The following ARID2 variants were observed in gnomAD, a reference collection of about 807,000 sequenced individuals.
The protein encoded by ARID2 is AT-rich interaction domain 2.
ARID2 carries 32 observed loss-of-function variants against 184.6 expected under a neutral mutation model. The observed-to-expected ratio is 0.17, with a 90% CI of 0.13 to 0.23. The LOEUF (loss-of-function observed/expected upper bound fraction) is 0.23, where lower values mean the gene tolerates loss of function less well. ARID2 is among the 10% of genes least tolerant of loss of function. ARID2 has a pLI of 1.00. For synonymous variants in ARID2, 836 were observed against 772.6 expected (o/e 1.08, Z -1.36); for missense variants, 1,696 against 2,197.6 (o/e 0.77, Z 4.56).
chr12:45,872,214 A>G (rs544796163), intron 16 of ARID2, among the ~76,000 whole-genome samples: 1 of 152,062 alleles, frequency 6.6e-6, no homozygotes, highest in African/African-American at 2.4e-5. Context: ...AGAAGCTTGC[A>G]TTATTATTTT....
chr12:45,869,223 G>A (rs1271401677), intron 16 of ARID2, among the ~76,000 whole-genome samples: 1 of 151,942 alleles, frequency 6.6e-6, no homozygotes, highest in Admixed American at 6.6e-5. Context: ...CACCATATTG[G>A]CCAGGCTGGT....
intron 3 of ARID2, among the ~76,000 whole-genome samples, chr12:45,782,136 A>C (rs1942103740): frequency 6.6e-6 from 1 of 152,290 alleles, no homozygotes; most frequent in Admixed American, 6.5e-5. Context: ...GAGAAGGGCT[A>C]TAAATTGAAA....
At chr12:45,892,216 G>T (rs552899062) in intron 18 of ARID2, 120 bp downstream of exon 18, 1 of 930,724 alleles carries the variant, frequency 1.1e-6, no homozygotes, top group Non-Finnish European at 1.6e-6. Context: ...GTCCAGCTCT[G>T]CCATGAACCA....
Position 45,895,604 on chromosome 12 carries a change from G to A in ARID2, c.5363+1883G>A, listed in dbSNP as rs150981517. ...GGCTGGAGTGCAGTGGCACGATCTC[G>A]GCTCACTGCAACCTCTGCCTCCTGG... On this transcript the variant is annotated intron_variant, in intron 20 of 20. Transcript: ENST00000334344. Among the ~76,000 whole-genome samples the A allele has an allele frequency of 6.8e-4, 104 of 152,134 alleles. 1 individual carries two copies. Among genetic ancestry groups the A allele is most frequent in the Non-Finnish European group, 1.0e-3 (71 of 68,012 alleles).
At chr12:45,755,420 C>G in intron 3 of ARID2, among the ~76,000 whole-genome samples, 1 of 152,262 alleles carries the variant, frequency 6.6e-6, no homozygotes, top group East Asian at 1.9e-4. Context: ...TAAATGTGAA[C>G]TAATACTTCT....
chr12:45,807,805 G>T (rs1942629530), intron 3 of ARID2, among the ~76,000 whole-genome samples: 1 of 152,034 alleles, frequency 6.6e-6, no homozygotes, highest in African/African-American at 2.4e-5. Flanking sequence ...TACCATCTTG[G>T]TGATGATATT....
chr12:45,901,715 C>T (rs1944463115), intron 20 of ARID2, among the ~76,000 whole-genome samples: 1 of 152,022 alleles, frequency 6.6e-6, no homozygotes, highest in Non-Finnish European at 1.5e-5. Flanking sequence ...GGCTGGAGTT[C>T]AGTGGGGCCA....
intron 3 of ARID2, among the ~76,000 whole-genome samples, chr12:45,786,878 G>A (rs1942204092): frequency 6.6e-6 from 1 of 152,112 alleles, no homozygotes; most frequent in Admixed American, 6.5e-5. Context: ...AGTAAAATGA[G>A]TCAGGCACAG....
At chr12:45,880,318 T>C (rs1343021792) in intron 16 of ARID2, among the ~76,000 whole-genome samples, 1 of 152,222 alleles carries the variant, frequency 6.6e-6, no homozygotes, top group Admixed American at 6.5e-5. Flanking sequence ...ATTTCCTGTG[T>C]GAAAACTTGT....
chr12:45,776,560 A>G (rs1941983595), intron 3 of ARID2, among the ~76,000 whole-genome samples: 1 of 152,240 alleles, frequency 6.6e-6, no homozygotes, highest in African/African-American at 2.4e-5. Context: ...CTGTGGGAGT[A>G]TGATTGTTTG....
chr12:45,744,940 T>G (rs1273477834), intron 3 of ARID2, among the ~76,000 whole-genome samples: 1 of 152,192 alleles, frequency 6.6e-6, no homozygotes, highest in Non-Finnish European at 1.5e-5. Flanking sequence ...CCCTCCTTCT[T>G]TGGCCCCCTC....
intron 3 of ARID2, among the ~76,000 whole-genome samples, chr12:45,791,204 CTGTGTG>C (rs143314237): frequency 1.9e-3 from 286 of 147,612 alleles, no homozygotes; most frequent in Admixed American, 4.0e-3. Context: ...AGCACATTTT[CTGTGTG>C]TGTGTGTGTG....
At chr12:45,731,136 A>G (rs545905861) in intron 2 of ARID2, 81 bp from the exon 3 acceptor site, 3 of 1,027,002 alleles carry the variant, frequency 2.9e-6, no homozygotes, top group Non-Finnish European at 4.6e-6. Flanking sequence ...AGATCTCTGT[A>G]GAATGGGTAT....
chr12:45,819,618 G>T (rs976438719), intron 5 of ARID2, among the ~76,000 whole-genome samples: 2 of 152,090 alleles, frequency 1.3e-5, no homozygotes, highest in Admixed American at 6.5e-5. Flanking sequence ...TACATATTTT[G>T]TGTGTTTGAA....
At chr12:45,865,507 T>C (rs1282089396) in intron 16 of ARID2, among the ~76,000 whole-genome samples, 1 of 152,118 alleles carries the variant, frequency 6.6e-6, no homozygotes, top group Non-Finnish European at 1.5e-5. Flanking sequence ...AGGGTTTTTT[T>C]CTTTCAATTA....
chr12:45,774,831 A>G (rs945470709), intron 3 of ARID2, among the ~76,000 whole-genome samples: 2 of 152,158 alleles, frequency 1.3e-5, no homozygotes, highest in African/African-American at 4.8e-5. Flanking sequence ...TTCCATCCAA[A>G]ACTTAGATTA....
intron 3 of ARID2, among the ~76,000 whole-genome samples, chr12:45,782,240 A>T (rs908007274): frequency 6.6e-6 from 1 of 152,246 alleles, no homozygotes; most frequent in African/African-American, 2.4e-5. Context: ...AAACACAAAT[A>T]TACAACATTA....
intron 16 of ARID2, among the ~76,000 whole-genome samples, chr12:45,878,801 G>T (rs926650718): frequency 6.6e-6 from 1 of 152,020 alleles, no homozygotes; most frequent in Non-Finnish European, 1.5e-5. Context: ...TACTTTTGGC[G>T]TGCCTTGTCA....
At chr12:45,765,188 C>G (rs532104825) in intron 3 of ARID2, among the ~76,000 whole-genome samples, 47 of 152,036 alleles carry the variant, frequency 3.1e-4, no homozygotes, top group Middle Eastern at 3.4e-3. Context: ...ATGCCCATTT[C>G]TTTATTGGGT....
Sources: gnomAD v4.1 joint callset for allele counts (sites outside exome capture counted in the v4.1 genomes callset) on GRCh38, gnomAD v4.1.1 for gene constraint, MANE v1.5 for transcripts, NCBI Gene and HGNC (gene_info 2026-07-23, HGNC 2026-07-21) for gene names.